The following NRXN3 variants were observed in gnomAD, a reference collection of about 807,000 sequenced individuals.
NRXN3 encodes neurexin 3.
In NRXN3, 32 loss-of-function variants were observed where a neutral mutation model predicts 137.6. That is an observed-to-expected ratio of 0.23 (90% CI 0.18 to 0.31). The LOEUF (loss-of-function observed/expected upper bound fraction) is 0.31, where lower values mean the gene tolerates loss of function less well. Ranked by LOEUF, NRXN3 falls within the 10% of genes least tolerant of loss-of-function variation. NRXN3 has a pLI of 1.00. For missense variants in NRXN3, 1,574 were observed against 2,062.5 expected (o/e 0.76, Z 4.59); for synonymous variants, 798 against 784.5 (o/e 1.02, Z -0.29).
At chr14:79,733,653 C>T (rs891735785) in intron 19 of NRXN3, among the ~76,000 whole-genome samples, 5 of 148,318 alleles carry the variant, frequency 3.4e-5, no homozygotes, top group Non-Finnish European at 5.9e-5. Flanking sequence ...ATATGAAGCC[C>T]ACATTTGGTT....
intron 15 of NRXN3, among the ~76,000 whole-genome samples, chr14:79,426,044 G>A (rs2095650575): frequency 1.3e-5 from 2 of 152,176 alleles, no homozygotes; most frequent in South Asian, 2.1e-4. Flanking sequence ...ATGAAGGTTA[G>A]ATCAAGGGCC....
chr14:78,996,570 G>C (rs377139440), intron 15 of NRXN3, among the ~76,000 whole-genome samples: 10 of 152,194 alleles, frequency 6.6e-5, no homozygotes, highest in African/African-American at 1.9e-4. Context: ...TATTCTTTTG[G>C]GGGGGATGCT....
chr14:78,805,439 C>G (rs902552368), intron 9 of NRXN3, among the ~76,000 whole-genome samples: 5 of 151,958 alleles, frequency 3.3e-5, no homozygotes, highest in Non-Finnish European at 5.9e-5. Flanking sequence ...TAGCAAACAG[C>G]CTTGAGAACA....
intron 15 of NRXN3, among the ~76,000 whole-genome samples, chr14:79,071,348 A>C (rs2099687456): frequency 6.6e-6 from 1 of 152,126 alleles, no homozygotes; most frequent in Admixed American, 6.6e-5. Context: ...CCTGTCATCT[A>C]CATTAGGTAT....
intron 16 of NRXN3, among the ~76,000 whole-genome samples, chr14:79,579,627 A>T (rs1324876400): frequency 6.6e-6 from 1 of 152,014 alleles, no homozygotes; most frequent in African/African-American, 2.4e-5. Context: ...ATTGTTTAGA[A>T]TTTTGACAAG....
chr14:78,889,650 C>A (rs1412503843), intron 10 of NRXN3, among the ~76,000 whole-genome samples: 1 of 151,992 alleles, frequency 6.6e-6, no homozygotes, highest in African/African-American at 2.4e-5. Context: ...GAGTACTGAG[C>A]ACTGAGTACC....
intron 2 of NRXN3, among the ~76,000 whole-genome samples, chr14:78,249,817 G>A (rs1037420941): frequency 9.9e-5 from 15 of 152,098 alleles, no homozygotes; most frequent in African/African-American, 3.6e-4. Flanking sequence ...CCGAGGAACC[G>A]AGAAATTGGG....
chr14:78,512,171 G>A (rs764981410), intron 4 of NRXN3, among the ~76,000 whole-genome samples: 17 of 152,052 alleles, frequency 1.1e-4, no homozygotes, highest in Non-Finnish European at 1.9e-4. Context: ...CACCTCAGCC[G>A]ACTTTGAGTC....
chr14:79,100,511 A>G (rs553734200), intron 15 of NRXN3, among the ~76,000 whole-genome samples: 1 of 152,358 alleles, frequency 6.6e-6, no homozygotes, highest in East Asian at 1.9e-4. Flanking sequence ...TTTCAAGTTT[A>G]CGTGTCTAGA....
chr14:79,262,631 A>G (rs768479988), intron 15 of NRXN3, among the ~76,000 whole-genome samples: 7 of 152,178 alleles, frequency 4.6e-5, no homozygotes, highest in Non-Finnish European at 8.8e-5. Flanking sequence ...CAAAAGCATA[A>G]TGCTTCTATT....
intron 4 of NRXN3, 31 bp from the exon 5 acceptor site, chr14:78,645,089 C>A (rs2287495): frequency 0.021 from 31,665 of 1,508,414 alleles, 838 homozygotes; most frequent in East Asian, 0.15. Flanking sequence ...CAGACAAGTG[C>A]TGATTGCTTT....
chr14:79,643,483 T>C lies in NRXN3; in HGVS notation c.3445-20295T>C. On this transcript the variant is annotated intron_variant, in intron 16 of 20. Coordinates refer to ENST00000335750, the MANE Select transcript of NRXN3 (RefSeq NM_001330195.2). ...AGAACATACTGAAATATATGTAAGATTTTGGGTTTTTTTTCTGGTCATTTT... is the reference window on the plus strand; with the variant it reads ...AGAACATACTGAAATATATGTAAGACTTTGGGTTTTTTTTCTGGTCATTTT... 1.5e-5 allele frequency among the ~76,000 whole-genome samples: 2 copies of C among 135,574 alleles called. 1 individual carries two copies. The highest frequency in any genetic ancestry group is 3.4e-5 in the Non-Finnish European group (2 of 58,330). 88.9% of individuals were successfully genotyped at this position (135,574 alleles called of 152,430 possible). A position where few individuals can be genotyped will look rare whatever the true frequency, so the allele number is the denominator to read the frequency against.
intron 4 of NRXN3, among the ~76,000 whole-genome samples, chr14:78,429,087 A>T (rs1000706627): frequency 2.6e-5 from 4 of 151,900 alleles, no homozygotes; most frequent in African/African-American, 9.7e-5. Flanking sequence ...TATTATTATT[A>T]TTTTTTGAGA....
intron 4 of NRXN3, among the ~76,000 whole-genome samples, chr14:78,475,161 A>G (rs1252571120): frequency 6.6e-6 from 1 of 152,208 alleles, no homozygotes; most frequent in Non-Finnish European, 1.5e-5. Context: ...AACTGATGAC[A>G]TGCATGAGGG....
At chr14:78,325,861 T>G (rs905950694) in intron 4 of NRXN3, among the ~76,000 whole-genome samples, 2 of 152,172 alleles carry the variant, frequency 1.3e-5, no homozygotes, top group African/African-American at 4.8e-5. Context: ...CAAAGTGAGT[T>G]GAGCTTTGTA....
intron 1 of NRXN3, among the ~76,000 whole-genome samples, chr14:78,238,139 G>GCC (rs111555461): frequency 0.012 from 1,793 of 145,536 alleles, 35 homozygotes; most frequent in African/African-American, 0.04. Context: ...AGTTGTGTGA[G>GCC]CCCCCCCCAC....
At chr14:79,670,569 G>A (rs1364554554) in intron 17 of NRXN3, among the ~76,000 whole-genome samples, 1 of 152,054 alleles carries the variant, frequency 6.6e-6, no homozygotes, top group African/African-American at 2.4e-5. Flanking sequence ...AGAAAGTACT[G>A]GCTAGAGGTA....
At chr14:78,539,096 C>T (rs1387232409) in intron 4 of NRXN3, among the ~76,000 whole-genome samples, 1 of 152,124 alleles carries the variant, frequency 6.6e-6, no homozygotes. Context: ...GTGTCTCTGC[C>T]AGGCTTTGGT....
intron 15 of NRXN3, among the ~76,000 whole-genome samples, chr14:79,213,229 A>G (rs77423902): frequency 0.018 from 2,788 of 152,286 alleles, 88 homozygotes; most frequent in African/African-American, 0.064. Flanking sequence ...ATGCCTCTAT[A>G]GATGGACAGG....
Sources: gnomAD v4.1 joint callset for allele counts (sites outside exome capture counted in the v4.1 genomes callset) on GRCh38, gnomAD v4.1.1 for gene constraint, MANE v1.5 for transcripts, NCBI Gene and HGNC (gene_info 2026-07-23, HGNC 2026-07-21) for gene names.